HOXA3: variants seen among roughly 807,000 people sequenced by gnomAD.
The protein encoded by HOXA3 is homeobox A3.
HOXA3 carries 8 observed loss-of-function variants against 30.3 expected under a neutral mutation model. The observed-to-expected ratio is 0.26, with a 90% CI of 0.15 to 0.48. The LOEUF is 0.48. HOXA3 is among the 20% of genes least tolerant of loss of function. HOXA3 has a pLI of 0.99. For missense variants in HOXA3, 653 were observed against 614.4 expected (o/e 1.06, Z -0.66); for synonymous variants, 323 against 273.1 (o/e 1.18, Z -1.80).
intron 1 of HOXA3, chr7:27,147,425 GCT>G: frequency 6.2e-7 from 1 of 1,614,238 alleles, no homozygotes; most frequent in Non-Finnish European, 8.5e-7. Flanking sequence ...TTGTACTGCT[GCT>G]CGGGAGAAAA....
intron 1 of HOXA3, chr7:27,143,492 C>T (rs765790657): frequency 6.2e-7 from 1 of 1,613,890 alleles, no homozygotes; most frequent in Non-Finnish European, 8.5e-7. Flanking sequence ...GGAGTGCATG[C>T]TCGCCGAGTC....
chr7:27,139,789 A>G (rs1328254382), intron 2 of HOXA3, among the ~76,000 whole-genome samples: 3 of 152,162 alleles, frequency 2.0e-5, no homozygotes, highest in Non-Finnish European at 2.9e-5. Context: ...ATTCGCACAC[A>G]AAAATCATCT....
chr7:27,147,433 G>A, intron 1 of HOXA3: 1 of 1,614,232 alleles, frequency 6.2e-7, no homozygotes, highest in Non-Finnish European at 8.5e-7. Context: ...CTGCTCGGGA[G>A]AAAAGTGCAG....
At chr7:27,143,812 A>G in intron 1 of HOXA3, 2 of 948,284 alleles carry the variant, frequency 2.1e-6, no homozygotes, top group Non-Finnish European at 2.9e-6. Context: ...CTCTAGAGGT[A>G]AACTCGTGCA....
At chr7:27,143,260 G>C in intron 1 of HOXA3, 1 of 1,608,020 alleles carries the variant, frequency 6.2e-7, no homozygotes, top group Non-Finnish European at 8.5e-7. Flanking sequence ...TTTTCCCGCC[G>C]TGGTGGCTGT....
chr7:27,149,655 G>A (rs1343666537), intron 1 of HOXA3, among the ~76,000 whole-genome samples: 1 of 152,202 alleles, frequency 6.6e-6, no homozygotes, highest in Non-Finnish European at 1.5e-5. Context: ...TATAAAGCAG[G>A]GCCTCGAATG....
At chr7:27,119,978 G>T (rs1784921871) in intron 4 of HOXA3, among the ~76,000 whole-genome samples, 1 of 152,080 alleles carries the variant, frequency 6.6e-6, no homozygotes, top group South Asian at 2.1e-4. Context: ...GCCTCTCTCA[G>T]GTTTGGGGGA....
At chr7:27,129,103 C>T in intron 2 of HOXA3, 2 of 739,496 alleles carry the variant, frequency 2.7e-6, no homozygotes, top group Non-Finnish European at 4.9e-6. Context: ...TTCTTTTCAC[C>T]AATTTGGGTT....
intron 1 of HOXA3, among the ~76,000 whole-genome samples, chr7:27,144,028 G>T (rs1782668221): frequency 6.6e-6 from 1 of 152,268 alleles, no homozygotes; most frequent in Non-Finnish European, 1.5e-5. Context: ...TTCCCTCGCA[G>T]TTCCATTAGG....
chr7:27,110,272 A>C lies in HOXA3; in HGVS notation c.369T>G (p.Ser123=), dbSNP rs763710939. 3.3e-5 allele frequency: 52 copies of C among 1,569,620 alleles called. No homozygotes were observed. The highest frequency in any genetic ancestry group is 4.5e-5 in the Non-Finnish European group (52 of 1,158,616). ...APTPAAPPPP[S]SASPPQNASN... Reference sequence around the variant, plus strand: ...TGGCATTCTGAGGAGGGGAGGCAGAAGAGGGAGGCGGGGGCGCGGCAGGGG... The same window carrying C: ...TGGCATTCTGAGGAGGGGAGGCAGACGAGGGAGGCGGGGGCGCGGCAGGGG... Residue 123 remains serine, a synonymous_variant, in exon 5 of 6, where the codon TCT becomes TCG. Transcript: ENST00000612286.
chr7:27,142,184 G>C, intron 1 of HOXA3: 1 of 1,367,888 alleles, frequency 7.3e-7, no homozygotes, highest in Non-Finnish European at 9.8e-7. Flanking sequence ...CAGGCGAAAA[G>C]CTCAACAAGT....
At position 27,113,446 on chromosome 7, in the gene HOXA3, TG is replaced by T. The variant is rs1317491637; in HGVS notation, c.-120-2687del. Among the ~76,000 whole-genome samples the T allele has an allele frequency of 1.3e-5, 2 of 150,904 alleles. No homozygotes were observed. The highest frequency in any genetic ancestry group is 4.9e-5 in the African/African-American group (2 of 40,932). ...GCTGGGCTAGGGGAGAGGCAAGAGG[TG>T]GGGGCGGGGATGGGAAAGCGGCCTG... is the stretch of plus-strand genomic sequence containing the variant. On this transcript the variant is annotated intron_variant, in intron 4 of 5. Coordinates refer to ENST00000612286, the MANE Select transcript of HOXA3 (RefSeq NM_153631.3). The surrounding 1 kb of genome is among the most constrained non-coding windows in gnomAD (Gnocchi z 4.8).
intron 4 of HOXA3, among the ~76,000 whole-genome samples, chr7:27,114,781 A>G (rs1784583828): frequency 8.9e-6 from 1 of 111,778 alleles, no homozygotes; most frequent in African/African-American, 3.2e-5. Context: ...AGGGCAGAGG[A>G]ATATGTGGTT....
chr7:27,130,857 C>G, intron 2 of HOXA3: 2 of 989,650 alleles, frequency 2.0e-6, no homozygotes, highest in African/African-American at 1.6e-5. Context: ...CCCCTCCCCC[C>G]GCTGTCAAGT....
chr7:27,133,121 G>A (rs559127909), intron 2 of HOXA3, among the ~76,000 whole-genome samples: 5 of 152,204 alleles, frequency 3.3e-5, no homozygotes, highest in East Asian at 3.9e-4. Flanking sequence ...TTTGTGGTTC[G>A]TATCATAAAC....
At chr7:27,117,389 C>G (rs933815415) in intron 4 of HOXA3, among the ~76,000 whole-genome samples, 7 of 152,170 alleles carry the variant, frequency 4.6e-5, no homozygotes, top group Non-Finnish European at 8.8e-5. Flanking sequence ...CTTCCTCTGT[C>G]TCCCGAATGT....
rs1324118880 is a variant in HOXA3, at chr7:27,130,542, G to A, written c.-389-3472C>T. On this transcript the variant is annotated intron_variant, in intron 2 of 5. Coordinates refer to ENST00000612286, the MANE Select transcript of HOXA3 (RefSeq NM_153631.3). ...AGGAGGCAGTGGGCTCTCGGCCGCC[G>A]CCCGCGTGAGGGAGCTGGGGCTGCT... 2.9e-6 allele frequency: 4 copies of A among 1,374,858 alleles called. No individual in the cohort carries two copies. In the Admixed American group the frequency reaches 9.4e-5, roughly 32 times the overall value. The allele number at this position is 1,374,858 out of a possible 1,614,324, so 85.2% of individuals were successfully genotyped here.
At chr7:27,137,710 T>C (rs1785757625) in intron 2 of HOXA3, among the ~76,000 whole-genome samples, 1 of 152,216 alleles carries the variant, frequency 6.6e-6, no homozygotes, top group Non-Finnish European at 1.5e-5. Context: ...GTTTGCCTGC[T>C]CTCTTAAATT....
chr7:27,143,017 G>T, intron 1 of HOXA3: 1 of 1,492,740 alleles, frequency 6.7e-7, no homozygotes, highest in South Asian at 1.4e-5. Context: ...CCCCGCGGTC[G>T]CGTGGATTTA....
Sources: allele counts gnomAD v4.1 joint callset (sites outside exome capture counted in the v4.1 genomes callset), GRCh38; gene constraint gnomAD v4.1.1; non-coding constraint Gnocchi (gnomAD v3.1); transcripts MANE v1.5; gene names NCBI Gene and HGNC (gene_info 2026-07-23, HGNC 2026-07-21).